FMN1: variants seen among roughly 807,000 people sequenced by gnomAD.
The protein encoded by FMN1 is formin 1, also known as formin-1.
FMN1 carries 110 observed loss-of-function variants against 132.4 expected under a neutral mutation model. That is an observed-to-expected ratio of 0.83 (90% confidence interval 0.71 to 0.97). FMN1 has a LOEUF of 0.97. FMN1 is among the 50% of genes least tolerant of loss of function. The probability of loss-of-function intolerance (pLI) is 0.00; values close to 1 mark genes in which losing one functional copy is unlikely to be tolerated. For missense variants in FMN1, 1,792 were observed against 1,705.3 expected (o/e 1.05, Z -0.90); for synonymous variants, 722 against 651.7 (o/e 1.11, Z -1.64).
rs150747356 is a variant in FMN1, at chr15:32,921,651, C to T, written c.3226+4523G>A. Among the ~76,000 whole-genome samples the T allele has an allele frequency of 6.5e-3, 979 of 150,730 alleles. 13 individuals are homozygous for T. The highest frequency in any genetic ancestry group is 0.023 in the African/African-American group (939 of 40,936). On this transcript the variant is annotated intron_variant, in intron 10 of 20. Transcript: ENST00000616417. ...AACAACCCACATTCATATATACAAT[C>T]TATATACTCCAGCTGTGTCTTTTTT...
At chr15:32,927,018 A>T (rs562793758) in intron 9 of FMN1, among the ~76,000 whole-genome samples, 3 of 152,262 alleles carry the variant, frequency 2.0e-5, no homozygotes, top group African/African-American at 7.2e-5. Context: ...ATCTGATCCC[A>T]AACCCTAAAT....
At chr15:33,012,182 T>G in intron 6 of FMN1, 1 of 572,402 alleles carries the variant, frequency 1.7e-6, no homozygotes, top group Admixed American at 2.4e-5. Flanking sequence ...ATCAGAGGGT[T>G]GGGCTTTGAA....
rs2056322796 is a variant in FMN1, at chr15:32,773,667, T to G, written c.*643A>C. On this transcript the variant is annotated 3_prime_UTR_variant, in exon 21 of 21. Transcript: ENST00000616417. ...TGTTCTCCAGGATGAAGTTTATGGC[T>G]ATTTGTCTCCCTCTCTCCACCCAGG... 1 of 152,334 alleles carries G rather than the reference T, an allele frequency of 6.6e-6. No individual in the cohort carries two copies. The highest frequency in any genetic ancestry group is 2.4e-5 in the African/African-American group (1 of 41,472). 9.4% of individuals were successfully genotyped at this position (152,334 alleles called of 1,614,324 possible). A position where few individuals can be genotyped will look rare whatever the true frequency, so the allele number is the denominator to read the frequency against.
chr15:33,158,383 A>G (rs1964759978), intron 3 of FMN1, among the ~76,000 whole-genome samples: 1 of 152,078 alleles, frequency 6.6e-6, no homozygotes, highest in Non-Finnish European at 1.5e-5. Flanking sequence ...AAATTATAAC[A>G]TTGGATTTTA....
intron 6 of FMN1, among the ~76,000 whole-genome samples, chr15:33,016,810 G>A (rs373906342): frequency 7.2e-5 from 11 of 152,262 alleles, no homozygotes; most frequent in African/African-American, 2.4e-4. Flanking sequence ...GATAGTAAAG[G>A]CTTTGACGCA....
At chr15:33,066,640 C>T (rs369644451) in intron 5 of FMN1, 1 of 1,613,872 alleles carries the variant, frequency 6.2e-7, no homozygotes, top group African/African-American at 1.3e-5. Context: ...CTGTGGTCCC[C>T]TTTCTGGGGG....
intron 3 of FMN1, among the ~76,000 whole-genome samples, chr15:33,165,861 T>C (rs758291131): frequency 3.3e-5 from 5 of 152,316 alleles, no homozygotes; most frequent in Admixed American, 1.3e-4. Flanking sequence ...AAGACAAAGC[T>C]GATCTGCCAT....
Position 32,958,903 on chromosome 15 carries a change from G to A in FMN1, c.3138+5204C>T, listed in dbSNP as rs1007944134. Among the ~76,000 whole-genome samples the A allele has an allele frequency of 4.6e-5, 7 of 152,046 alleles. 1 individual carries two copies. Among genetic ancestry groups the A allele is most frequent in the South Asian group, 4.2e-4 (2 of 4,808 alleles). ...CTAAAAATATAAAAATTAGCTGGGC[G>A]TGATGGTGGGTGCCTGTAATCGTAG... On this transcript the variant is annotated intron_variant, in intron 9 of 20. Transcript: ENST00000616417.
intron 7 of FMN1, among the ~76,000 whole-genome samples, chr15:33,001,054 G>A (rs540895586): frequency 1.4e-4 from 21 of 152,316 alleles, no homozygotes; most frequent in Non-Finnish European, 2.4e-4. Flanking sequence ...AGGCCGAGAC[G>A]GGTGGATCAC....
At chr15:32,784,720 C>G (rs149549820) in intron 19 of FMN1, among the ~76,000 whole-genome samples, 121 of 152,340 alleles carry the variant, frequency 7.9e-4, no homozygotes, top group African/African-American at 2.8e-3. Context: ...CAAATACAGA[C>G]AGGCACAGTG....
At chr15:32,982,843 G>C (rs2032786431) in intron 7 of FMN1, among the ~76,000 whole-genome samples, 1 of 152,132 alleles carries the variant, frequency 6.6e-6, no homozygotes, top group South Asian at 2.1e-4. Flanking sequence ...CAGCCCTCCT[G>C]AATCTCAGGC....
At chr15:33,103,906 A>AT (rs2140089936) in intron 4 of FMN1, among the ~76,000 whole-genome samples, 1 of 152,212 alleles carries the variant, frequency 6.6e-6, no homozygotes, top group African/African-American at 2.4e-5. Context: ...TTCAAATGTT[A>AT]TTTTACCATG....
intron 17 of FMN1, among the ~76,000 whole-genome samples, chr15:32,809,535 G>C (rs185776108): frequency 5.5e-4 from 84 of 152,238 alleles, no homozygotes; most frequent in Admixed American, 1.4e-3. Flanking sequence ...CTCATGGCTG[G>C]TCTCTGGACT....
chr15:32,804,526 T>TTA (rs1567194846), intron 17 of FMN1, among the ~76,000 whole-genome samples, 194 bp from the exon 18 acceptor site: 2 of 150,754 alleles, frequency 1.3e-5, no homozygotes, highest in Non-Finnish European at 1.5e-5. Flanking sequence ...TTTTTTTTTT[T>TTA]AAATTATACT....
chr15:32,771,636 T>G lies in FMN1; in HGVS notation c.*2674A>C, dbSNP rs563424283. The G allele has an allele frequency of 6.6e-6, 1 of 152,282 alleles. No homozygotes were observed. The highest frequency in any genetic ancestry group is 2.4e-5 in the African/African-American group (1 of 41,556). The allele number at this position is 152,282 out of a possible 1,614,324, so 9.4% of individuals were successfully genotyped here. A position where few individuals can be genotyped will look rare whatever the true frequency, so the allele number is the denominator to read the frequency against. The stretch of plus-strand genomic sequence containing the variant: ...ATGCAGCATAGCAAACTGGTTACTC[T>G]CCTTTCTAGTTCAGGGAGGGCTATG... On this transcript the variant is annotated 3_prime_UTR_variant, in exon 21 of 21. Transcript: ENST00000616417.
intron 6 of FMN1, chr15:33,012,982 G>T: frequency 2.2e-6 from 1 of 451,968 alleles, no homozygotes; most frequent in Admixed American, 2.4e-5. Flanking sequence ...TGGTTCCTAT[G>T]ATGGTGGAAG....
At chr15:33,033,951 C>A (rs73374878) in intron 6 of FMN1, among the ~76,000 whole-genome samples, 5,512 of 152,212 alleles carry the variant, frequency 0.036, 353 homozygotes, top group African/African-American at 0.13. Context: ...TCCTGCCTCA[C>A]TGGAGGCTTT....
intron 3 of FMN1, among the ~76,000 whole-genome samples, chr15:33,160,114 C>CA (rs1319080392): frequency 6.6e-6 from 1 of 152,106 alleles, no homozygotes; most frequent in Non-Finnish European, 1.5e-5. Context: ...TAAAGTTGTT[C>CA]ATGGATACCT....
At chr15:33,039,672 G>A (rs909712951) in intron 6 of FMN1, among the ~76,000 whole-genome samples, 1 of 152,108 alleles carries the variant, frequency 6.6e-6, no homozygotes, top group East Asian at 1.9e-4. Context: ...TCTTTTAATA[G>A]CCCTGACAAT....
Sources: allele counts gnomAD v4.1 joint callset (sites outside exome capture counted in the v4.1 genomes callset), GRCh38; gene constraint gnomAD v4.1.1; transcripts MANE v1.5; gene names NCBI Gene and HGNC (gene_info 2026-07-23, HGNC 2026-07-21).